TEKT3: variants seen among roughly 807,000 people sequenced by gnomAD.
The protein encoded by TEKT3 is tektin-3.
Under a neutral mutation model 49.8 loss-of-function variants are expected in TEKT3, and 49 were observed. That is an observed-to-expected ratio of 0.98 (90% CI 0.78 to 1.25). The LOEUF (loss-of-function observed/expected upper bound fraction) is 1.25, where lower values mean the gene tolerates loss of function less well. TEKT3 is among the 50% of genes most tolerant of loss of function. The pLI is 0.00. For synonymous variants in TEKT3, 225 were observed against 237.2 expected (o/e 0.95, Z 0.47); for missense variants, 595 against 629.5 (o/e 0.95, Z 0.59).
chr17:15,324,810 T>C (rs1202489270), intron 4 of TEKT3, among the ~76,000 whole-genome samples: 2 of 152,230 alleles, frequency 1.3e-5, no homozygotes, highest in Admixed American at 6.5e-5. Flanking sequence ...CTTGTGTTGT[T>C]TGTGCTTTTG....
intron 4 of TEKT3, among the ~76,000 whole-genome samples, chr17:15,325,672 A>G (rs1028373025): frequency 6.6e-6 from 1 of 152,178 alleles, no homozygotes; most frequent in African/African-American, 2.4e-5. Context: ...AGTACCAAAA[A>G]AAATCTGTTG....
intron 4 of TEKT3, among the ~76,000 whole-genome samples, chr17:15,324,437 C>G (rs1597413306): frequency 6.6e-6 from 1 of 152,080 alleles, no homozygotes; most frequent in Non-Finnish European, 1.5e-5. Context: ...CATATGTTTT[C>G]TTTTCTCCTG....
At chr17:15,332,040 G>C (rs1043738482) in intron 2 of TEKT3, among the ~76,000 whole-genome samples, 1 of 151,176 alleles carries the variant, frequency 6.6e-6, no homozygotes, top group Non-Finnish European at 1.5e-5. Context: ...TTAGCCAGCT[G>C]TTGTGGCAGG....
rs1165791013 is a variant in TEKT3, at chr17:15,328,156, T to C, written c.580-81A>G. The C allele has an allele frequency of 3.8e-6, 5 of 1,322,470 alleles. No individual in the cohort carries two copies. In the African/African-American group the frequency reaches 4.3e-5, roughly 11 times the overall value. The allele number at this position is 1,322,470 out of a possible 1,614,324, so 81.9% of individuals were successfully genotyped here. A position where few individuals can be genotyped will look rare whatever the true frequency, so the allele number is the denominator to read the frequency against. On this transcript the variant is annotated intron_variant, in intron 3 of 8. Transcript: ENST00000395930. ...CAGCTCTAATAATTTGTTTCAAAAA[T>C]AAGTCAATAGATACTCCCAATACCA... is the stretch of plus-strand genomic sequence containing the variant.
chr17:15,326,170 C>T (rs991825311), intron 4 of TEKT3, among the ~76,000 whole-genome samples: 2 of 152,060 alleles, frequency 1.3e-5, no homozygotes, highest in African/African-American at 2.4e-5. Flanking sequence ...GTGTTGATGC[C>T]GTGTGGGGAT....
At chr17:15,342,981 A>G (rs973883514), upstream of TEKT3, among the ~76,000 whole-genome samples, 3 of 152,114 alleles carry the variant, frequency 2.0e-5, no homozygotes, top group African/African-American at 7.2e-5. Context: ...TGCATTTTGT[A>G]TTTTCAGTAT....
chr17:15,339,042 T>G (rs1912120478), intron 2 of TEKT3, among the ~76,000 whole-genome samples: 1 of 152,156 alleles, frequency 6.6e-6, no homozygotes, highest in South Asian at 2.1e-4. Context: ...CATTGTGCAG[T>G]ATTAAGAGGT....
rs17852986 is a variant in TEKT3 at position 15,314,163 on chromosome 17, C to T, written c.802G>A (p.Asp268Asn). The T allele has an allele frequency of 1.6e-5, 26 of 1,614,236 alleles. No homozygotes were observed. The South Asian group carries it at 2.1e-4, about 13-fold the overall frequency. The stretch of plus-strand genomic sequence containing the variant: ...TTGCGCAGGTGGTGGCATTTGTCGT[C>T]GATCCGGTAAGCCGTCTGTTTGTCA... The part of the protein sequence containing the change: ...LSDKQTAYRI[D>N]DKCHHLRNTS... The change falls in exon 6 of 9, where the codon GAC becomes AAC. Residue 268 changes from aspartate (D) to asparagine (N), a missense_variant. Transcript: ENST00000395930.
chr17:15,321,155 G>A (rs1317846561), intron 4 of TEKT3, among the ~76,000 whole-genome samples: 3 of 151,730 alleles, frequency 2.0e-5, no homozygotes, highest in Admixed American at 6.6e-5. Flanking sequence ...GACTACAGGC[G>A]CCCACCACCA....
chr17:15,312,455 T>C lies in TEKT3; in HGVS notation c.905A>G (p.Lys302Arg), dbSNP rs757835201. Residue 302 changes from lysine (K) to arginine (R), a missense_variant, in exon 7 of 9, where the codon AAA (lysine) becomes AGA (arginine). Lys to Arg is a conservative substitution (Grantham distance 26). Transcript: ENST00000395930. ...ATVSVPESWA[K>R]FTDDNILRSQ... ...GCGGAGAATATTGTCATCTGTAAAT[T>C]TGGCCCAGGACTCAGGCACTGAGAC... is the stretch of plus-strand genomic sequence containing the variant. The C allele has an allele frequency of 1.2e-6, 2 of 1,613,908 alleles. No homozygotes were observed. The highest frequency in any genetic ancestry group is 1.7e-5 in the Admixed American group (1 of 59,988).
At chr17:15,342,157 C>T (rs1912256077), upstream of TEKT3, among the ~76,000 whole-genome samples, 1 of 152,178 alleles carries the variant, frequency 6.6e-6, no homozygotes, top group Non-Finnish European at 1.5e-5. Context: ...CTGTTTCTTC[C>T]AGGTGCTGGC....
chr17:15,330,873 A>T, intron 3 of TEKT3, 134 bp downstream of exon 3: 1 of 926,368 alleles, frequency 1.1e-6, no homozygotes, highest in Non-Finnish European at 1.6e-6. Context: ...TGCTGAAAAC[A>T]GTCACAGATT....
chr17:15,313,395 G>A (rs1228411406), intron 6 of TEKT3, among the ~76,000 whole-genome samples: 1 of 152,198 alleles, frequency 6.6e-6, no homozygotes, highest in African/African-American at 2.4e-5. Flanking sequence ...GAAACCACTG[G>A]TGGGGTAAGT....
intron 4 of TEKT3, among the ~76,000 whole-genome samples, chr17:15,320,315 T>C (rs918818076): frequency 9.2e-5 from 14 of 152,224 alleles, no homozygotes; most frequent in African/African-American, 2.9e-4. Flanking sequence ...TTTTCTGTCA[T>C]TTATTTTTTC....
chr17:15,326,022 T>C (rs1911474664), intron 4 of TEKT3, among the ~76,000 whole-genome samples: 1 of 152,178 alleles, frequency 6.6e-6, no homozygotes. Context: ...AGCCAAAGCT[T>C]TCCTGAGTAT....
At chr17:15,334,527 C>G (rs1911907460) in intron 2 of TEKT3, among the ~76,000 whole-genome samples, 3 of 152,172 alleles carry the variant, frequency 2.0e-5, no homozygotes, top group Non-Finnish European at 4.4e-5. Context: ...GGGGTGATAT[C>G]TGAAGATGCA....
chr17:15,338,967 T>A lies in TEKT3; in HGVS notation c.-30+1061A>T, dbSNP rs140808426. On this transcript the variant is annotated intron_variant, in intron 2 of 8. Coordinates refer to ENST00000395930, the MANE Select transcript of TEKT3 (RefSeq NM_031898.3). ...CCCTAAATTAGGCAACTGCTTATTA[T>A]ACATTTAATCATGATGTTTTGGTTT... is the stretch of plus-strand genomic sequence containing the variant. Among the ~76,000 whole-genome samples, 291 of 152,338 alleles carry A rather than the reference T, an allele frequency of 1.9e-3. 1 individual carries two copies. Among genetic ancestry groups the A allele is most frequent in the African/African-American group, 6.5e-3 (272 of 41,574 alleles).
chr17:15,334,992 A>G lies in TEKT3; in HGVS notation c.-29-3378T>C, dbSNP rs180745256. Reference sequence around the variant, plus strand: ...TTATATCTAAAAATCTAGACAAAATATATGAAACAACTGCATTCAGACCTC... The same window carrying G: ...TTATATCTAAAAATCTAGACAAAATGTATGAAACAACTGCATTCAGACCTC... On this transcript the variant is annotated intron_variant, in intron 2 of 8. Transcript: ENST00000395930. Among the ~76,000 whole-genome samples, 27 of 152,228 alleles carry G rather than the reference A, an allele frequency of 1.8e-4. 1 individual carries two copies. In the East Asian group the frequency reaches 5.2e-3, roughly 29 times the overall value.
chr17:15,327,542 T>C (rs1283782403), intron 4 of TEKT3, among the ~76,000 whole-genome samples: 1 of 151,830 alleles, frequency 6.6e-6, no homozygotes, highest in Admixed American at 6.6e-5. Context: ...TATCTAATGA[T>C]ATGGTAAAAA....
Sources: gnomAD v4.1 joint callset for allele counts (sites outside exome capture counted in the v4.1 genomes callset) on GRCh38, gnomAD v4.1.1 for gene constraint, MANE v1.5 for transcripts, NCBI Gene and HGNC (gene_info 2026-07-23, HGNC 2026-07-21) for gene names.